The following AGL variants were observed in gnomAD, a reference collection of about 807,000 sequenced individuals.
The protein encoded by AGL is amylo-alpha-1,6-glucosidase and 4-alpha-glucanotransferase.
Under a neutral mutation model 199.3 loss-of-function variants are expected in AGL, and 128 were observed. That is an observed-to-expected ratio of 0.64 (90% confidence interval 0.56 to 0.74). AGL has a LOEUF of 0.74. Ranked by LOEUF, AGL falls within the 30% of genes least tolerant of loss-of-function variation. The pLI is 0.00. For synonymous variants in AGL, 584 were observed against 594.7 expected (o/e 0.98, Z 0.26); for missense variants, 1,809 against 1,820.8 (o/e 0.99, Z 0.12).
chr1:99,891,603 C>T lies in AGL; in HGVS notation c.2950-3C>T. The T allele has an allele frequency of 1.9e-6, 3 of 1,613,326 alleles. No individual in the cohort carries two copies. The highest frequency in any genetic ancestry group is 2.5e-6 in the Non-Finnish European group (3 of 1,179,504). On this transcript the variant is annotated splice_region_variant and splice_polypyrimidine_tract_variant and intron_variant, in intron 22 of 33. Transcript: ENST00000361915. Reference sequence around the variant, plus strand: ...TTAACTTTCAAATTTATTTTAATTACAGGTTGGTAAATGGTTGCAGGCTAT... The same window carrying T: ...TTAACTTTCAAATTTATTTTAATTATAGGTTGGTAAATGGTTGCAGGCTAT...
chr1:99,914,294 A>T (rs2100863288), intron 30 of AGL, among the ~76,000 whole-genome samples: 1 of 152,234 alleles, frequency 6.6e-6, no homozygotes, highest in East Asian at 1.9e-4. Context: ...GCCTCAGCAC[A>T]CTAGTTGGAA....
At chr1:99,884,788 T>C in intron 20 of AGL, 85 bp downstream of exon 20, 1 of 1,512,320 alleles carries the variant, frequency 6.6e-7, no homozygotes, top group Non-Finnish European at 9.1e-7. Context: ...AAGGGTCCTC[T>C]ATATCCTTGC....
chr1:99,878,102 A>G (rs545741253), intron 12 of AGL, among the ~76,000 whole-genome samples: 2 of 152,328 alleles, frequency 1.3e-5, no homozygotes, highest in Admixed American at 6.5e-5. Flanking sequence ...GAGTGCAATC[A>G]TATTGGCTAC....
rs570061109 is a variant in AGL at position 99,877,634 on chromosome 1, T to A, written c.1424-7T>A. ...GAACCATTGAAAGCAATCTCTTTTC[T>A]GAACAGGTTCAGAAGTTTACCTAAG... is the stretch of plus-strand genomic sequence containing the variant. On this transcript the variant is annotated splice_region_variant and splice_polypyrimidine_tract_variant and intron_variant, in intron 11 of 33. Transcript: ENST00000361915. 3.1e-6 allele frequency: 5 copies of A among 1,613,820 alleles called. No homozygotes were observed. In the Admixed American group the frequency reaches 8.3e-5, roughly 27 times the overall value.
chr1:99,894,832 T>G (rs1466609767), intron 24 of AGL, among the ~76,000 whole-genome samples: 1 of 152,204 alleles, frequency 6.6e-6, no homozygotes, highest in Non-Finnish European at 1.5e-5. Context: ...GTTACAATTT[T>G]CAATGAATAC....
At chr1:99,874,614 A>T in intron 7 of AGL, 73 bp from the exon 8 acceptor site, 5 of 1,422,794 alleles carry the variant, frequency 3.5e-6, no homozygotes, top group Non-Finnish European at 4.8e-6. Flanking sequence ...TAGGCCAAAA[A>T]TTAGAAAATA....
intron 2 of AGL, 163 bp from the exon 3 acceptor site, chr1:99,861,340 A>T: frequency 6.7e-7 from 1 of 1,496,794 alleles, no homozygotes; most frequent in Middle Eastern, 2.5e-4. Context: ...AAATTCAGCT[A>T]AATTGGAATA....
chr1:99,870,192 A>G (rs1247616750), intron 5 of AGL, among the ~76,000 whole-genome samples: 1 of 151,760 alleles, frequency 6.6e-6, no homozygotes, highest in Admixed American at 6.6e-5. Context: ...AATTAAAGTT[A>G]GAAAAAAAAA....
chr1:99,916,658 G>A lies in AGL; in HGVS notation c.4408G>A (p.Gly1470Ser), dbSNP rs377284498. 6.2e-7 allele frequency: 1 copy of A among 1,612,696 alleles called. No homozygotes were observed. The highest frequency in any genetic ancestry group is 1.3e-5 in the African/African-American group (1 of 74,790). ...RAKLYFSRLM[G>S]PETTAKTIVL... ...AAAATTATATTTTTCCAGATTGATG[G>A]GCCCGGAGACTACTGCAAAGACTAT... The change falls in exon 33 of 34, where the codon GGC (glycine) becomes AGC (serine). Residue 1470 changes from glycine to serine, a missense_variant. Coordinates refer to ENST00000361915, the MANE Select transcript of AGL (RefSeq NM_000642.3).
chr1:99,866,367 TTC>T (rs1314543687), intron 5 of AGL, among the ~76,000 whole-genome samples: 1 of 152,188 alleles, frequency 6.6e-6, no homozygotes, highest in African/African-American at 2.4e-5. Context: ...GGGAACTAGT[TTC>T]TCTCATGTTG....
In AGL at chr1:99,870,880, C is replaced by G. The variant is rs754511749; in HGVS notation, c.958+11C>G. ...GACTTCTTACACAAGGTAAAGGATA[C>G]ATACTAGAATGTTCCTATCGATTTT... On this transcript the variant is annotated intron_variant, in intron 7 of 33. Coordinates refer to ENST00000361915, the MANE Select transcript of AGL (RefSeq NM_000642.3). The G allele has an allele frequency of 6.8e-7, 1 of 1,460,598 alleles. No homozygotes were observed. Among genetic ancestry groups the G allele is most frequent in the African/African-American group, 1.4e-5 (1 of 71,200 alleles). 90.5% of individuals were successfully genotyped at this position (1,460,598 alleles called of 1,614,324 possible).
chr1:99,916,055 A>G (rs1655089573), intron 31 of AGL, among the ~76,000 whole-genome samples: 2 of 152,090 alleles, frequency 1.3e-5, no homozygotes, highest in African/African-American at 4.8e-5. Context: ...AAATTATTCT[A>G]TATATATTTC....
At chr1:99,902,332 A>G (rs1653905874) in intron 26 of AGL, among the ~76,000 whole-genome samples, 1 of 152,202 alleles carries the variant, frequency 6.6e-6, no homozygotes. Context: ...ATGAGTAAAA[A>G]TAGCAATGCC....
At chr1:99,861,425 C>T in intron 2 of AGL, 78 bp from the exon 3 acceptor site, 2 of 1,595,782 alleles carry the variant, frequency 1.3e-6, no homozygotes, top group Middle Eastern at 1.7e-4. Context: ...TTTTTTAATA[C>T]TTTAAATAAA....
rs554002888 is a variant in AGL, at chr1:99,875,277, G to A, written c.1185+21G>A. 2.5e-6 allele frequency: 4 copies of A among 1,611,678 alleles called. No individual in the cohort carries two copies. The South Asian group carries it at 4.4e-5, about 18-fold the overall frequency. The stretch of plus-strand genomic sequence containing the variant: ...AACAGGTTTTACTTATTTTTGAACT[G>A]CTGCTTTTCCTTGCATCTTACTACT... On this transcript the variant is annotated intron_variant, in intron 9 of 33. Transcript: ENST00000361915.
At chr1:99,900,954 A>T in intron 26 of AGL, 93 bp downstream of exon 26, 4 of 1,148,162 alleles carry the variant, frequency 3.5e-6, no homozygotes, top group Admixed American at 2.0e-5. Flanking sequence ...GTAATTAAGA[A>T]TCCAAATCTT....
In AGL at chr1:99,858,534, A is replaced by T. The variant is rs371435579; in HGVS notation, c.83-2969A>T. Among the ~76,000 whole-genome samples, 14 of 152,348 alleles carry T rather than the reference A, an allele frequency of 9.2e-5. No homozygotes were observed. The East Asian group carries it at 2.5e-3, about 27-fold the overall frequency. Reference sequence around the variant, plus strand: ...TGAATGGATGTGGCTGTGTTCCAGTAAAACTTCATTTACAGAAATGGGGAT... The same window carrying T: ...TGAATGGATGTGGCTGTGTTCCAGTTAAACTTCATTTACAGAAATGGGGAT... On this transcript the variant is annotated intron_variant, in intron 2 of 33. Coordinates refer to ENST00000361915, the MANE Select transcript of AGL (RefSeq NM_000642.3).
chr1:99,909,321 T>A (rs1406974174), intron 27 of AGL, among the ~76,000 whole-genome samples: 1 of 151,944 alleles, frequency 6.6e-6, no homozygotes, highest in Non-Finnish European at 1.5e-5. Context: ...AAGTTCATAC[T>A]CCCCAGATTC....
intron 2 of AGL, among the ~76,000 whole-genome samples, chr1:99,852,908 T>C (rs1557738820): frequency 6.6e-6 from 1 of 152,212 alleles, no homozygotes; most frequent in South Asian, 2.1e-4. Context: ...TTGGATATGC[T>C]TAAATCTAGC....
Sources: gnomAD v4.1 joint callset for allele counts (sites outside exome capture counted in the v4.1 genomes callset) on GRCh38, gnomAD v4.1.1 for gene constraint, MANE v1.5 for transcripts, NCBI Gene and HGNC (gene_info 2026-07-23, HGNC 2026-07-21) for gene names.